The following SNX29 variants were observed in gnomAD, a reference collection of about 807,000 sequenced individuals.
SNX29 encodes the protein sorting nexin 29, also known as sorting nexin-29.
A neutral mutation model predicts 102.1 loss-of-function variants in SNX29; 78 were observed. That is an observed-to-expected ratio of 0.76 (90% CI 0.64 to 0.92). SNX29 has a LOEUF of 0.92. Ranked by LOEUF, SNX29 falls within the 40% of genes least tolerant of loss-of-function variation. The pLI is 0.00. For missense variants in SNX29, 1,280 were observed against 1,061.7 expected, an observed-to-expected ratio of 1.21 and a Z score of -2.86; for synonymous variants, 580 against 414.5, an observed-to-expected ratio of 1.40 and a Z score of -4.85.
intron 15 of SNX29, among the ~76,000 whole-genome samples, chr16:12,331,871 T>C (rs1238152958): frequency 1.3e-5 from 2 of 152,060 alleles, no homozygotes; most frequent in Non-Finnish European, 1.5e-5. Flanking sequence ...TTTTAAGAAT[T>C]AAACAATTTG....
chr16:12,461,187 T>C (rs983585448), intron 18 of SNX29, among the ~76,000 whole-genome samples: 21 of 152,312 alleles, frequency 1.4e-4, no homozygotes, highest in African/African-American at 4.6e-4. Context: ...CTTAGTCTTA[T>C]TGTGTCCATA....
intron 19 of SNX29, among the ~76,000 whole-genome samples, chr16:12,480,907 T>A (rs1365329410): frequency 6.6e-6 from 1 of 152,126 alleles, no homozygotes; most frequent in Non-Finnish European, 1.5e-5. Context: ...GGCAAAGTCT[T>A]ACTCTGTTCC....
chr16:12,429,657 CA>C (rs2085232793), intron 18 of SNX29, among the ~76,000 whole-genome samples: 1 of 152,242 alleles, frequency 6.6e-6, no homozygotes, highest in Non-Finnish European at 1.5e-5. Context: ...CACAGTGTTC[CA>C]CCATCACGCT....
In SNX29 at chr16:12,572,896, G is replaced by T. The variant is rs141498213; in HGVS notation, c.*4267G>T. On this transcript the variant is annotated 3_prime_UTR_variant, in exon 21 of 21. Coordinates refer to ENST00000566228, the MANE Select transcript of SNX29 (RefSeq NM_032167.5). Reference sequence around the variant, plus strand: ...TGTCTTGACTCTGCCTTGGCATTTCGCTCGGAATCACGGCAGACTTGGAGT... The same window carrying T: ...TGTCTTGACTCTGCCTTGGCATTTCTCTCGGAATCACGGCAGACTTGGAGT... 9.9e-4 allele frequency: 1,032 copies of T among 1,040,012 alleles called. 6 individuals carry two copies. In the African/African-American group the frequency reaches 0.015, roughly 15 times the overall value. The allele number at this position is 1,040,012 out of a possible 1,614,324, so 64.4% of individuals were successfully genotyped here.
At chr16:12,470,673 C>T (rs972101514) in intron 18 of SNX29, among the ~76,000 whole-genome samples, 2 of 152,180 alleles carry the variant, frequency 1.3e-5, no homozygotes, top group African/African-American at 4.8e-5. Flanking sequence ...GTCCAATCCA[C>T]AGAGCACGCT....
chr16:12,288,666 G>A (rs1275014585), intron 15 of SNX29, among the ~76,000 whole-genome samples: 2 of 145,484 alleles, frequency 1.4e-5, no homozygotes, highest in Non-Finnish European at 1.5e-5. Flanking sequence ...GTGACAGAGC[G>A]AGACATCTGG....
rs1259128714 is a variant in SNX29 at position 12,374,768 on chromosome 16, G to A, written c.1899+18489G>A. On this transcript the variant is annotated intron_variant, in intron 16 of 20. Coordinates refer to ENST00000566228, the MANE Select transcript of SNX29 (RefSeq NM_032167.5). ...AAGGCTCACCCCCAGATCAGCTGCA[G>A]GAGAATCTCTTCAATGGGACCTGGG... is the stretch of plus-strand genomic sequence containing the variant. 19 of 152,132 alleles carry A rather than the reference G, an allele frequency of 1.2e-4. 1 individual carries two copies. Among genetic ancestry groups the A allele is most frequent in the Admixed American group, 1.2e-3 (19 of 15,266 alleles). The allele number at this position is 152,132 out of a possible 1,614,324, so 9.4% of individuals were successfully genotyped here.
chr16:12,004,536 C>G lies in SNX29; in HGVS notation c.122+1493C>G, dbSNP rs115971796. On this transcript the variant is annotated intron_variant, in intron 3 of 20. Transcript: ENST00000566228. ...AGAGCTGATCCTTGCTCTGTAGCCC[C>G]TGGGGTGGCAGGAGGGACATTCCTG... Among the ~76,000 whole-genome samples, 928 of 152,200 alleles carry G rather than the reference C, an allele frequency of 6.1e-3. 7 individuals carry two copies. Among genetic ancestry groups the G allele is most frequent in the African/African-American group, 0.021 (860 of 41,520 alleles).
intron 20 of SNX29, among the ~76,000 whole-genome samples, chr16:12,540,157 G>C (rs11075092): frequency 3.3e-5 from 5 of 152,048 alleles, no homozygotes; most frequent in African/African-American, 9.7e-5. Flanking sequence ...TTACATTTTA[G>C]ATCTGCGATT....
At chr16:12,163,102 G>A (rs1045754612) in intron 13 of SNX29, among the ~76,000 whole-genome samples, 1 of 152,090 alleles carries the variant, frequency 6.6e-6, no homozygotes, top group African/African-American at 2.4e-5. Flanking sequence ...GGCTGGTCTC[G>A]AACTCCTGAC....
chr16:11,985,700 G>A (rs1428875987), intron 1 of SNX29, among the ~76,000 whole-genome samples: 6 of 152,140 alleles, frequency 3.9e-5, no homozygotes, highest in Non-Finnish European at 8.8e-5. Flanking sequence ...GATGGAGGAT[G>A]AACTTCAGGG....
At position 12,180,512 on chromosome 16, in the gene SNX29, C is replaced by CAG. The variant is rs1328649349; in HGVS notation, c.1596-19089_1596-19088insAG. On this transcript the variant is annotated intron_variant, in intron 13 of 20. Transcript: ENST00000566228. ...TCTCTTTTTTTTTTTGAGATGGAGT[C>CAG]TTGCTCTGTCGCCCAGGCTGGAGTG... Among the ~76,000 whole-genome samples the CAG allele has an allele frequency of 9.7e-3, 1,459 of 151,156 alleles. 69 individuals carry two copies. The highest frequency in any genetic ancestry group is 0.085 in the Admixed American group (1,287 of 15,152).
intron 13 of SNX29, among the ~76,000 whole-genome samples, chr16:12,146,912 G>A (rs2055086685): frequency 6.6e-6 from 1 of 152,186 alleles, no homozygotes; most frequent in South Asian, 2.1e-4. Context: ...AGGTTTCCTA[G>A]ATAGTTTTTT....
At chr16:12,231,080 TG>T in intron 14 of SNX29, among the ~76,000 whole-genome samples, 1 of 152,304 alleles carries the variant, frequency 6.6e-6, no homozygotes, top group Middle Eastern at 3.4e-3. Flanking sequence ...CCCGAACTCC[TG>T]ACCTAAGGTG....
chr16:12,303,928 T>C (rs1329333764), intron 15 of SNX29, among the ~76,000 whole-genome samples: 1 of 152,210 alleles, frequency 6.6e-6, no homozygotes, highest in Non-Finnish European at 1.5e-5. Context: ...CAGCTGAGCC[T>C]GTCTTGCCCA....
chr16:12,160,690 A>G (rs2055746483), intron 13 of SNX29, among the ~76,000 whole-genome samples: 1 of 147,324 alleles, frequency 6.8e-6, no homozygotes, highest in Admixed American at 6.8e-5. Context: ...CTGGACATGC[A>G]CTTTAAAAGG....
intron 16 of SNX29, among the ~76,000 whole-genome samples, chr16:12,369,968 G>C (rs1052175612): frequency 6.6e-6 from 1 of 152,196 alleles, no homozygotes; most frequent in Non-Finnish European, 1.5e-5. Flanking sequence ...TGTAATCCCA[G>C]CACTTTGGGA....
intron 14 of SNX29, among the ~76,000 whole-genome samples, chr16:12,230,208 G>C (rs2077728584): frequency 6.6e-6 from 1 of 152,244 alleles, no homozygotes; most frequent in African/African-American, 2.4e-5. Context: ...CCTGCAAACT[G>C]TCTTGAAAGC....
intron 13 of SNX29, among the ~76,000 whole-genome samples, chr16:12,194,953 A>G (rs1160823696): frequency 1.3e-5 from 2 of 152,164 alleles, no homozygotes; most frequent in African/African-American, 4.8e-5. Flanking sequence ...CTCTTCATAC[A>G]TTTTAAAAAG....
Sources: gnomAD v4.1 joint callset for allele counts (sites outside exome capture counted in the v4.1 genomes callset) on GRCh38, gnomAD v4.1.1 for gene constraint, MANE v1.5 for transcripts, NCBI Gene and HGNC (gene_info 2026-07-23, HGNC 2026-07-21) for gene names.